Variants in GABBR2 observed in about 807,000 individuals in gnomAD.
GABBR2 encodes gamma-aminobutyric acid type B receptor subunit 2, also known as G-protein coupled receptor 51.
Under a neutral mutation model 105.6 loss-of-function variants are expected in GABBR2, and 23 were observed. The observed-to-expected ratio is 0.22, with a 90% CI of 0.16 to 0.31. GABBR2 has a LOEUF of 0.31. GABBR2 is among the 10% of genes least tolerant of loss of function. The probability of loss-of-function intolerance (pLI) is 1.00; values close to 1 mark genes in which losing one functional copy is unlikely to be tolerated. For missense variants in GABBR2, 734 were observed against 1,245.5 expected, an observed-to-expected ratio of 0.59 and a Z score of 6.18; for synonymous variants, 478 against 499.7, an observed-to-expected ratio of 0.96 and a Z score of 0.58.
intron 14 of GABBR2, among the ~76,000 whole-genome samples, chr9:98,308,383 C>T (rs765472212): frequency 1.8e-4 from 27 of 152,172 alleles, no homozygotes; most frequent in Admixed American, 9.2e-4. Context: ...GGAAGATTTC[C>T]GCTGAGGATT....
chr9:98,406,608 T>C (rs1181482985), intron 7 of GABBR2, among the ~76,000 whole-genome samples: 3 of 152,226 alleles, frequency 2.0e-5, no homozygotes, highest in African/African-American at 7.2e-5. Context: ...TCTGTTGGTA[T>C]TTCTTATTAG....
intron 7 of GABBR2, among the ~76,000 whole-genome samples, chr9:98,426,092 G>A (rs1035065347): frequency 6.6e-5 from 10 of 152,200 alleles, no homozygotes; most frequent in Admixed American, 2.6e-4. Flanking sequence ...CACATGAGGG[G>A]TGGGGAGGCA....
At chr9:98,443,295 C>T (rs989622384) in intron 7 of GABBR2, among the ~76,000 whole-genome samples, 2 of 152,194 alleles carry the variant, frequency 1.3e-5, no homozygotes, top group Admixed American at 6.5e-5. Flanking sequence ...TACACTCCCC[C>T]ACACTGCTTT....
Position 98,404,346 on chromosome 9 carries a change from C to T in GABBR2, c.1297+1735G>A, listed in dbSNP as rs375258227. Among the ~76,000 whole-genome samples, 7 of 152,300 alleles carry T rather than the reference C, an allele frequency of 4.6e-5. No homozygotes were observed. In the East Asian group the frequency reaches 5.8e-4, roughly 13 times the overall value. On this transcript the variant is annotated intron_variant, in intron 8 of 18. Transcript: ENST00000259455. ...AGAGAGCTGACACGCGTTTCAATTACCTGCCACAGAAAGACGAATGGGTAT... is the reference window on the plus strand; with the variant it reads ...AGAGAGCTGACACGCGTTTCAATTATCTGCCACAGAAAGACGAATGGGTAT...
chr9:98,668,350 T>G (rs10481694), intron 1 of GABBR2, among the ~76,000 whole-genome samples: 141,195 of 152,200 alleles, frequency 0.93, 65,622 homozygotes, highest in Middle Eastern at 0.97. Context: ...AGGCAAGCCC[T>G]GCAGCGTCCA....
At chr9:98,431,378 C>A (rs1305564944) in intron 7 of GABBR2, among the ~76,000 whole-genome samples, 4 of 152,092 alleles carry the variant, frequency 2.6e-5, no homozygotes, top group African/African-American at 9.7e-5. Flanking sequence ...GAAAGGGATT[C>A]ATTTTGGTTT....
intron 13 of GABBR2, among the ~76,000 whole-genome samples, chr9:98,318,955 G>A (rs892785550): frequency 6.6e-6 from 1 of 151,846 alleles, no homozygotes; most frequent in South Asian, 2.1e-4. Context: ...GTATTAGGGG[G>A]TGTGTTTGGC....
chr9:98,615,286 A>T (rs1252499717), intron 1 of GABBR2, among the ~76,000 whole-genome samples: 1 of 152,170 alleles, frequency 6.6e-6, no homozygotes, highest in Non-Finnish European at 1.5e-5. Flanking sequence ...TCCTGGTGTG[A>T]GATTTACTGA....
chr9:98,356,774 G>C (rs1187854047), intron 13 of GABBR2, among the ~76,000 whole-genome samples: 1 of 152,140 alleles, frequency 6.6e-6, no homozygotes, highest in African/African-American at 2.4e-5. Flanking sequence ...GCCCTTCGGT[G>C]GGTGAATGAA....
chr9:98,678,177 A>G (rs911681962), intron 1 of GABBR2, among the ~76,000 whole-genome samples: 6 of 152,214 alleles, frequency 3.9e-5, no homozygotes, highest in Non-Finnish European at 8.8e-5. Context: ...GAAATCCAGT[A>G]CTGGGGAGTA....
chr9:98,477,669 A>ACATGTAGC (rs1277771213), intron 5 of GABBR2, among the ~76,000 whole-genome samples: 1 of 152,224 alleles, frequency 6.6e-6, no homozygotes, highest in Non-Finnish European at 1.5e-5. Context: ...CTAGCTGTAT[A>ACATGTAGC]CATGTAGCCA....
Position 98,645,001 on chromosome 9 carries a change from G to A in GABBR2, c.321+63416C>T, listed in dbSNP as rs191223561. Among the ~76,000 whole-genome samples, 434 of 152,208 alleles carry A rather than the reference G, an allele frequency of 2.9e-3. 1 individual carries two copies. The highest frequency in any genetic ancestry group is 4.8e-3 in the Non-Finnish European group (324 of 68,012). ...TACCCCAAGGTATAAAACCCAGGGC[G>A]GGCTGTTTTCTGGGGTCCCTCAGCT... On this transcript the variant is annotated intron_variant, in intron 1 of 18. Transcript: ENST00000259455.
At chr9:98,499,690 T>A (rs567154149) in intron 3 of GABBR2, among the ~76,000 whole-genome samples, 1 of 152,240 alleles carries the variant, frequency 6.6e-6, no homozygotes. Context: ...AGTGCACTGA[T>A]GGAAGATTTA....
intron 1 of GABBR2, among the ~76,000 whole-genome samples, chr9:98,661,778 C>G (rs1177433892): frequency 6.6e-6 from 1 of 152,204 alleles, no homozygotes; most frequent in Admixed American, 6.5e-5. Context: ...ATTTTCCCAG[C>G]TGCTAGGTGG....
intron 2 of GABBR2, among the ~76,000 whole-genome samples, chr9:98,544,690 G>A (rs1427204080): frequency 1.3e-5 from 2 of 152,184 alleles, no homozygotes; most frequent in Admixed American, 1.3e-4. Flanking sequence ...GGGCTTCAAA[G>A]TGTCTGTGAA....
intron 2 of GABBR2, among the ~76,000 whole-genome samples, chr9:98,547,064 G>C (rs1367227013): frequency 8.4e-6 from 1 of 118,996 alleles, no homozygotes; most frequent in African/African-American, 2.7e-5. Flanking sequence ...ATTTGGGGCT[G>C]GCTTGATTGT....
At chr9:98,395,365 A>G (rs913039642) in intron 8 of GABBR2, among the ~76,000 whole-genome samples, 16 of 152,080 alleles carry the variant, frequency 1.1e-4, no homozygotes, top group African/African-American at 3.6e-4. Flanking sequence ...ATGCCTGTGG[A>G]GCATCAAGGC....
chr9:98,315,502 TC>T (rs1489129418), intron 13 of GABBR2, among the ~76,000 whole-genome samples: 5 of 152,234 alleles, frequency 3.3e-5, no homozygotes, highest in Non-Finnish European at 4.4e-5. Context: ...ATCAAGTGAC[TC>T]CTGCACTGAA....
At chr9:98,342,370 T>C (rs902959300) in intron 13 of GABBR2, among the ~76,000 whole-genome samples, 2 of 151,898 alleles carry the variant, frequency 1.3e-5, no homozygotes, top group African/African-American at 4.8e-5. Context: ...AAGGGGGTTG[T>C]GAGAGATAAG....
Sources: gnomAD v4.1 joint callset for allele counts (sites outside exome capture counted in the v4.1 genomes callset) on GRCh38, gnomAD v4.1.1 for gene constraint, MANE v1.5 for transcripts, NCBI Gene and HGNC (gene_info 2026-07-23, HGNC 2026-07-21) for gene names.